Variants in SKI observed in about 807,000 individuals in gnomAD.
The protein encoded by SKI is SKI proto-oncogene.
In SKI, 23 loss-of-function variants were observed where a neutral mutation model predicts 59.3. That is an observed-to-expected ratio of 0.39 (90% CI 0.28 to 0.55). SKI has a LOEUF of 0.55. Ranked by LOEUF, SKI falls within the 20% of genes least tolerant of loss-of-function variation. The pLI, the probability that SKI is intolerant of heterozygous loss-of-function variation, is 0.67. For missense variants in SKI, 1,017 were observed against 1,038.9 expected, an observed-to-expected ratio of 0.98 and a Z score of 0.29; for synonymous variants, 673 against 488.6, an observed-to-expected ratio of 1.38 and a Z score of -4.98.
At chr1:2,277,305 C>G (rs971906729) in intron 1 of SKI, among the ~76,000 whole-genome samples, 11 of 152,022 alleles carry the variant, frequency 7.2e-5, no homozygotes, top group Admixed American at 2.0e-4. Flanking sequence ...TGGCTGTGTC[C>G]CCACCCAAAT....
At chr1:2,283,691 G>GTGGGGTGC (rs2100879015) in intron 1 of SKI, among the ~76,000 whole-genome samples, 1 of 152,354 alleles carries the variant, frequency 6.6e-6, no homozygotes, top group Admixed American at 6.5e-5. Flanking sequence ...TCAAGTGCAT[G>GTGGGGTGC]TGGGGTGCTG....
intron 1 of SKI, among the ~76,000 whole-genome samples, chr1:2,263,367 AG>A (rs1639428693): frequency 6.6e-6 from 1 of 150,716 alleles, no homozygotes; most frequent in Admixed American, 6.7e-5. Flanking sequence ...CCTTCCAAGT[AG>A]TAGGGATTAC....
intron 1 of SKI, among the ~76,000 whole-genome samples, chr1:2,279,603 G>A (rs934387392): frequency 3.9e-5 from 6 of 152,088 alleles, no homozygotes; most frequent in African/African-American, 1.4e-4. Flanking sequence ...GAGCAGAGTG[G>A]GTGAGACGAG....
intron 1 of SKI, among the ~76,000 whole-genome samples, chr1:2,277,825 TGCACTCAC>T (rs1241169551): frequency 3.0e-5 from 4 of 132,462 alleles, no homozygotes; most frequent in Non-Finnish European, 6.3e-5. Context: ...CGCACACACC[TGCACTCAC>T]GCACTCAGGA....
intron 1 of SKI, among the ~76,000 whole-genome samples, chr1:2,234,667 C>A (rs942165896): frequency 6.6e-6 from 1 of 152,180 alleles, no homozygotes; most frequent in Non-Finnish European, 1.5e-5. Context: ...GGTGTCCACG[C>A]CGGCGGCCCG....
intron 1 of SKI, among the ~76,000 whole-genome samples, chr1:2,233,215 T>C: frequency 7.6e-6 from 1 of 131,238 alleles, no homozygotes; most frequent in Non-Finnish European, 1.6e-5. Context: ...GGCCGGGGTT[T>C]CTGTTCCAAC....
At chr1:2,250,271 A>G (rs992355736) in intron 1 of SKI, among the ~76,000 whole-genome samples, 1 of 152,168 alleles carries the variant, frequency 6.6e-6, no homozygotes, top group Non-Finnish European at 1.5e-5. Context: ...TGCCCTGCTC[A>G]ACAGAGAGTC....
intron 1 of SKI, among the ~76,000 whole-genome samples, chr1:2,238,946 G>A (rs975132693): frequency 1.3e-5 from 2 of 152,304 alleles, no homozygotes; most frequent in African/African-American, 2.4e-5. Context: ...CTGGACGCCC[G>A]TGTGGACCTG....
rs950733417 is a variant in SKI at position 2,309,429 on chromosome 1, A to G, written c.*2664A>G. 6.6e-6 allele frequency: 1 copy of G among 152,194 alleles called. No individual in the cohort carries two copies. Among genetic ancestry groups the G allele is most frequent in the African/African-American group, 2.4e-5 (1 of 41,432 alleles). 9.4% of individuals were successfully genotyped at this position (152,194 alleles called of 1,614,324 possible). On this transcript the variant is annotated 3_prime_UTR_variant, in exon 7 of 7. Coordinates refer to ENST00000378536, the MANE Select transcript of SKI (RefSeq NM_003036.4). ...TAATGTCTGCTTTTCGTACAGAACT[A>G]GCCAATGTAAAAACAGTTCACCTGT...
chr1:2,258,035 G>GC (rs1400215836), intron 1 of SKI, among the ~76,000 whole-genome samples: 6 of 152,350 alleles, frequency 3.9e-5, no homozygotes, highest in Admixed American at 3.9e-4. Flanking sequence ...ACTGTGCCCA[G>GC]CCTGCACAAC....
At chr1:2,230,817 CTT>C (rs894220045) in intron 1 of SKI, among the ~76,000 whole-genome samples, 20 of 152,086 alleles carry the variant, frequency 1.3e-4, no homozygotes, top group African/African-American at 4.1e-4. Context: ...TTGCATCAAA[CTT>C]TTTTTTTCTA....
At chr1:2,272,365 T>C (rs1000972134) in intron 1 of SKI, among the ~76,000 whole-genome samples, 1 of 152,262 alleles carries the variant, frequency 6.6e-6, no homozygotes, top group East Asian at 1.9e-4. Context: ...GAGACCGTGC[T>C]GCCCCCTCAA....
At chr1:2,279,205 G>C (rs775294817) in intron 1 of SKI, among the ~76,000 whole-genome samples, 1 of 152,204 alleles carries the variant, frequency 6.6e-6, no homozygotes, top group South Asian at 2.1e-4. Flanking sequence ...ATCTCTGAGC[G>C]GGACTGCCTC....
intron 5 of SKI, among the ~76,000 whole-genome samples, chr1:2,305,641 C>T (rs1640553578): frequency 6.6e-6 from 1 of 152,240 alleles, no homozygotes. Context: ...GTGGGGAGAC[C>T]CGGGGCCCTC....
chr1:2,305,839 C>T (rs1346055493), intron 5 of SKI, among the ~76,000 whole-genome samples, 181 bp from the exon 6 acceptor site: 1 of 152,190 alleles, frequency 6.6e-6, no homozygotes, highest in Non-Finnish European at 1.5e-5. Flanking sequence ...GGATGGGGGT[C>T]TGAAAAGCCT....
intron 1 of SKI, among the ~76,000 whole-genome samples, chr1:2,288,150 G>A (rs1640085302): frequency 6.6e-6 from 1 of 152,074 alleles, no homozygotes. Context: ...CACCACGCCT[G>A]GCTAATTTTT....
intron 1 of SKI, among the ~76,000 whole-genome samples, chr1:2,273,415 C>T (rs1476130427): frequency 6.6e-6 from 1 of 152,166 alleles, no homozygotes; most frequent in African/African-American, 2.4e-5. Flanking sequence ...TCCTGGGAGC[C>T]ACAGGGCTGA....
intron 1 of SKI, among the ~76,000 whole-genome samples, chr1:2,275,996 C>G (rs1639734706): frequency 6.6e-6 from 1 of 152,214 alleles, no homozygotes; most frequent in Admixed American, 6.5e-5. Context: ...GGTCCTGGGG[C>G]AGGCAGCCTC....
Position 2,296,235 on chromosome 1 carries a change from AAAAC to A in SKI, c.970-6739_970-6736del, listed in dbSNP as rs1410190636. On this transcript the variant is annotated intron_variant, in intron 1 of 6. Transcript: ENST00000378536. The stretch of plus-strand genomic sequence containing the variant: ...CTCTAGGAAAAAAAACAAAAAAAAA[AAAAC>A]AAAAAATTAGCTGGGCATGGTGGCA... Among the ~76,000 whole-genome samples the A allele has an allele frequency of 5.3e-5, 8 of 152,144 alleles. No individual in the cohort carries two copies. The East Asian group carries it at 1.4e-3, about 26-fold the overall frequency.
Sources: allele counts gnomAD v4.1 joint callset (sites outside exome capture counted in the v4.1 genomes callset), GRCh38; gene constraint gnomAD v4.1.1; transcripts MANE v1.5; gene names NCBI Gene and HGNC (gene_info 2026-07-23, HGNC 2026-07-21).